Variants in PRR5 observed in about 807,000 individuals in gnomAD.
PRR5 encodes the protein proline-rich protein 5.
A neutral mutation model predicts 30.6 loss-of-function variants in PRR5; 25 were observed. That is an observed-to-expected ratio of 0.82 (90% confidence interval 0.60 to 1.14). PRR5 has a LOEUF of 1.14. Among genes scored for constraint, PRR5 ranks in the 50% most tolerant of loss-of-function variants. The probability of loss-of-function intolerance (pLI) is 0.00; values close to 1 mark genes in which losing one functional copy is unlikely to be tolerated. For synonymous variants in PRR5, 286 were observed against 247.1 expected (o/e 1.16, Z -1.48); for missense variants, 600 against 547.1 (o/e 1.10, Z -0.96).
chr22:44,734,042 G>A (rs1922733581), intron 6 of PRR5: 1 of 152,230 alleles, frequency 6.6e-6, no homozygotes, highest in Admixed American at 6.5e-5. Context: ...GGGAGGCCAA[G>A]GCAGGCAGAT....
intron 1 of PRR5, among the ~76,000 whole-genome samples, chr22:44,680,498 C>A (rs769211353): frequency 1.3e-5 from 2 of 152,168 alleles, no homozygotes; most frequent in Non-Finnish European, 2.9e-5. Context: ...CTGCCACAGC[C>A]CAGCGAGGAG....
chr22:44,677,536 C>G lies in PRR5; in HGVS notation c.-11+296C>G, dbSNP rs372383831. Among the ~76,000 whole-genome samples the G allele has an allele frequency of 2.0e-5, 3 of 152,346 alleles. No individual in the cohort carries two copies. In the East Asian group the frequency reaches 5.8e-4, roughly 29 times the overall value. Reference sequence around the variant, plus strand: ...AACAGTAGCAGATGGCTTCTTCCTACTGCTGCATGGGGTGGGACGAAGGGC... The same window carrying G: ...AACAGTAGCAGATGGCTTCTTCCTAGTGCTGCATGGGGTGGGACGAAGGGC... On this transcript the variant is annotated intron_variant, in intron 1 of 8. Coordinates refer to the PRR5 transcript ENST00000006251.
intron 1 of PRR5, among the ~76,000 whole-genome samples, chr22:44,684,625 C>G (rs933945196): frequency 3.3e-5 from 5 of 152,220 alleles, no homozygotes; most frequent in Non-Finnish European, 7.3e-5. Context: ...ACCTCCTACC[C>G]GCGGTCCAAC....
At chr22:44,724,522 G>A (rs998160016) in intron 2 of PRR5, among the ~76,000 whole-genome samples, 6 of 152,220 alleles carry the variant, frequency 3.9e-5, no homozygotes, top group African/African-American at 1.2e-4. Flanking sequence ...ACTGTTGGGA[G>A]GTCATATCTG....
intron 1 of PRR5, among the ~76,000 whole-genome samples, chr22:44,712,956 C>T (rs2147071113): frequency 6.6e-6 from 1 of 152,244 alleles, no homozygotes; most frequent in Middle Eastern, 3.4e-3. Flanking sequence ...CAGGTGATGG[C>T]CTCTGAATCA....
chr22:44,722,168 AG>A (rs1930038208), intron 2 of PRR5, among the ~76,000 whole-genome samples: 1 of 152,022 alleles, frequency 6.6e-6, no homozygotes, highest in Non-Finnish European at 1.5e-5. Context: ...GCAAGGGAGG[AG>A]GTTGGGCCTC....
chr22:44,706,392 CAAG>C (rs1328796858), intron 1 of PRR5, among the ~76,000 whole-genome samples: 1 of 152,174 alleles, frequency 6.6e-6, no homozygotes, highest in Admixed American at 6.5e-5. Flanking sequence ...GGTAAATAAA[CAAG>C]GAGGTAAGTA....
At chr22:44,736,549 TGAG>T (rs1326879228) in intron 7 of PRR5, among the ~76,000 whole-genome samples, 5 of 152,178 alleles carry the variant, frequency 3.3e-5, no homozygotes, top group Non-Finnish European at 2.9e-5. Context: ...GCATTTGACT[TGAG>T]GTCCTGTGTG....
At chr22:44,713,522 C>T (rs932790646) in intron 1 of PRR5, among the ~76,000 whole-genome samples, 4 of 152,210 alleles carry the variant, frequency 2.6e-5, no homozygotes, top group South Asian at 2.1e-4. Context: ...AGTGAGCCAG[C>T]GCACCTGGCC....
At chr22:44,690,783 G>C (rs985184178) in intron 1 of PRR5, among the ~76,000 whole-genome samples, 12 of 152,182 alleles carry the variant, frequency 7.9e-5, no homozygotes, top group Non-Finnish European at 1.6e-4. Flanking sequence ...CAGGCAGAGG[G>C]CAGAGCCTGG....
Position 44,684,958 on chromosome 22 carries a change from A to C in PRR5, c.-11+7718A>C, listed in dbSNP as rs535340716. On this transcript the variant is annotated intron_variant, in intron 1 of 8. Transcript: ENST00000006251. Reference sequence around the variant, plus strand: ...GAAGGGAAGTGGCAGCCCGGGACTCAGGGCCCGGCACGAAGTAGGCGCTCC... The same window carrying C: ...GAAGGGAAGTGGCAGCCCGGGACTCCGGGCCCGGCACGAAGTAGGCGCTCC... 8.5e-5 allele frequency among the ~76,000 whole-genome samples: 13 copies of C among 152,266 alleles called. No individual in the cohort carries two copies. In the East Asian group the frequency reaches 2.3e-3, roughly 27 times the overall value.
chr22:44,702,246 G>C lies in PRR5; in HGVS notation c.-229G>C. The C allele has an allele frequency of 8.8e-7, 1 of 1,130,116 alleles. No homozygotes were observed. The highest frequency in any genetic ancestry group is 1.1e-6 in the Non-Finnish European group (1 of 922,338). The allele number at this position is 1,130,116 out of a possible 1,614,324, so 70.0% of individuals were successfully genotyped here. A position where few individuals can be genotyped will look rare whatever the true frequency, so the allele number is the denominator to read the frequency against. On this transcript the variant is annotated 5_prime_UTR_variant, in exon 1 of 8. Coordinates refer to ENST00000336985, the MANE Select transcript of PRR5 (RefSeq NM_181333.4). ...GGTCTGTGCTGGCCGCGCGCCTGGC[G>C]CTCCACGCTGAGCCTCTCCGTGCAA...
At chr22:44,705,488 T>C (rs1927048707) in intron 1 of PRR5, among the ~76,000 whole-genome samples, 1 of 151,972 alleles carries the variant, frequency 6.6e-6, no homozygotes, top group South Asian at 2.1e-4. Context: ...CACGCCCGGC[T>C]AATTTTTTGT....
chr22:44,702,654 GA>G, intron 1 of PRR5, 46 bp downstream of exon 1: 1 of 1,263,584 alleles, frequency 7.9e-7, no homozygotes, highest in South Asian at 2.7e-5. Context: ...GGAGCCGGGG[GA>G]GGGGACCCCT....
At chr22:44,694,245 A>T (rs1361989670) in intron 1 of PRR5, among the ~76,000 whole-genome samples, 1 of 152,184 alleles carries the variant, frequency 6.6e-6, no homozygotes, top group Admixed American at 6.5e-5. Flanking sequence ...GTTAAAGAAA[A>T]GGTGACTGCT....
intron 2 of PRR5, among the ~76,000 whole-genome samples, chr22:44,718,973 G>T (rs1555901145): frequency 6.6e-6 from 1 of 152,080 alleles, no homozygotes; most frequent in Non-Finnish European, 1.5e-5. Context: ...TGTGTCCTTT[G>T]AAGCACAAAA....
chr22:44,702,457 C>G lies in PRR5; in HGVS notation c.-18C>G. The G allele has an allele frequency of 7.5e-7, 1 of 1,339,252 alleles. No homozygotes were observed. The highest frequency in any genetic ancestry group is 9.6e-7 in the Non-Finnish European group (1 of 1,039,340). 83.0% of individuals were successfully genotyped at this position (1,339,252 alleles called of 1,614,324 possible). A position where few individuals can be genotyped will look rare whatever the true frequency, so the allele number is the denominator to read the frequency against. On this transcript the variant is annotated 5_prime_UTR_variant, in exon 1 of 8. Coordinates refer to ENST00000336985, the MANE Select transcript of PRR5 (RefSeq NM_181333.4). Reference sequence around the variant, plus strand: ...GCGTGGGGCGCGCGTGGGCGCGGCGCAGGCGGCCCGGGTCACCATGAGGAC... The same window carrying G: ...GCGTGGGGCGCGCGTGGGCGCGGCGGAGGCGGCCCGGGTCACCATGAGGAC...
intron 4 of PRR5, chr22:44,730,597 G>GT: frequency 1.2e-5 from 12 of 991,998 alleles, no homozygotes; most frequent in Non-Finnish European, 1.4e-5. Context: ...TGCTACCTAC[G>GT]TATCTGTTTC....
intron 2 of PRR5, among the ~76,000 whole-genome samples, chr22:44,723,195 G>A (rs1930204385): frequency 6.6e-6 from 1 of 151,778 alleles, no homozygotes; most frequent in African/African-American, 2.4e-5. Context: ...TGTTGGCCAG[G>A]CTGGTTTCGA....
Sources: allele counts gnomAD v4.1 joint callset (sites outside exome capture counted in the v4.1 genomes callset), GRCh38; gene constraint gnomAD v4.1.1; transcripts MANE v1.5; gene names NCBI Gene and HGNC (gene_info 2026-07-23, HGNC 2026-07-21).